BCKDHB: variants seen among roughly 807,000 people sequenced by gnomAD.
BCKDHB encodes branched chain keto acid dehydrogenase E1 subunit beta.
Under a neutral mutation model 48.5 loss-of-function variants are expected in BCKDHB, and 41 were observed. That is an observed-to-expected ratio of 0.85 (90% CI 0.66 to 1.10). The LOEUF is 1.10. Ranked by LOEUF, BCKDHB falls within the 50% of genes least tolerant of loss-of-function variation. The probability of loss-of-function intolerance (pLI) is 0.00; values close to 1 mark genes in which losing one functional copy is unlikely to be tolerated. For synonymous variants in BCKDHB, 201 were observed against 174.8 expected (o/e 1.15, Z -1.18); for missense variants, 496 against 494.2 (o/e 1.00, Z -0.03).
At chr6:80,366,895 A>T in the BCKDHB span, among the ~76,000 whole-genome samples, 1 of 152,360 alleles carries the variant, frequency 6.6e-6, no homozygotes, top group Non-Finnish European at 1.5e-5. Context: ...CAGAATTAGG[A>T]GGTGAGCCAT....
chr6:80,345,556 A>C lies in BCKDHB; in HGVS notation c.*1752A>C, dbSNP rs1770159029. The stretch of plus-strand genomic sequence containing the variant: ...GTCTAAGAATATTGTTATAGATGGA[A>C]GTTAGGACCATTAGCCCACAGATGC... On this transcript the variant is annotated 3_prime_UTR_variant, in exon 10 of 10. Transcript: ENST00000320393. 6.6e-6 allele frequency: 1 copy of C among 152,222 alleles called. No homozygotes were observed. The allele number at this position is 152,222 out of a possible 1,614,324, so 9.4% of individuals were successfully genotyped here.
rs570516927 is a variant in BCKDHB at position 80,242,136 on chromosome 6, A to G, written c.952-30999A>G. ...CACTTAAATCCTTCCTTATCACAAG[A>G]TCATGAAGATATTTTAAAATATTTT... is the stretch of plus-strand genomic sequence containing the variant. On this transcript the variant is annotated intron_variant, in intron 8 of 9. Transcript: ENST00000320393. Among the ~76,000 whole-genome samples, 3 of 152,262 alleles carry G rather than the reference A, an allele frequency of 2.0e-5. No individual in the cohort carries two copies. The South Asian group carries it at 6.2e-4, about 32-fold the overall frequency.
the BCKDHB span, among the ~76,000 whole-genome samples, chr6:80,465,513 C>T: frequency 6.6e-6 from 1 of 152,158 alleles, no homozygotes; most frequent in Non-Finnish European, 1.5e-5. Context: ...AAAACATTTT[C>T]CTTCTCTGAT....
the BCKDHB span, among the ~76,000 whole-genome samples, chr6:80,375,884 G>A: frequency 6.6e-6 from 1 of 152,172 alleles, no homozygotes; most frequent in Admixed American, 6.5e-5. Flanking sequence ...TAAAGATGGG[G>A]CTTCCTGAGA....
chr6:80,447,198 C>A, the BCKDHB span, among the ~76,000 whole-genome samples: 1 of 152,062 alleles, frequency 6.6e-6, no homozygotes, highest in Admixed American at 6.6e-5. Context: ...TTTTGTGCCA[C>A]CATTTTCTTA....
intron 9 of BCKDHB, among the ~76,000 whole-genome samples, chr6:80,342,153 T>G (rs1355948549): frequency 6.6e-6 from 1 of 152,152 alleles, no homozygotes; most frequent in Non-Finnish European, 1.5e-5. Context: ...AATACACTTG[T>G]CACTGGAAGA....
At chr6:80,432,491 A>G in the BCKDHB span, among the ~76,000 whole-genome samples, 2 of 152,028 alleles carry the variant, frequency 1.3e-5, no homozygotes, top group Admixed American at 6.6e-5. Context: ...ATACTTGTGT[A>G]TGCTTCACGA....
At chr6:80,185,244 G>A (rs568422566) in intron 6 of BCKDHB, among the ~76,000 whole-genome samples, 4 of 151,880 alleles carry the variant, frequency 2.6e-5, no homozygotes, top group African/African-American at 7.2e-5. Context: ...TTCTCTTAGT[G>A]TGTCTTTCAT....
At chr6:80,329,410 A>G (rs566753423) in intron 9 of BCKDHB, among the ~76,000 whole-genome samples, 5 of 152,290 alleles carry the variant, frequency 3.3e-5, no homozygotes, top group African/African-American at 1.2e-4. Context: ...TATCCTATAA[A>G]TGAACCCTGA....
the BCKDHB span, among the ~76,000 whole-genome samples, chr6:80,395,149 G>A: frequency 6.6e-6 from 1 of 152,152 alleles, no homozygotes. Flanking sequence ...GGCACCAGGT[G>A]TGGGGTGCTG....
chr6:80,370,223 A>G, the BCKDHB span, among the ~76,000 whole-genome samples: 4 of 152,164 alleles, frequency 2.6e-5, no homozygotes, highest in African/African-American at 7.2e-5. Flanking sequence ...AGAGGTTAGA[A>G]GAGGAAAAAG....
intron 1 of BCKDHB, among the ~76,000 whole-genome samples, chr6:80,122,772 C>A (rs998676684): frequency 5.3e-5 from 8 of 152,266 alleles, no homozygotes; most frequent in African/African-American, 1.7e-4. Flanking sequence ...CACATATTGT[C>A]TTGATAAACA....
In BCKDHB at chr6:80,274,040, G is replaced by A. The variant is rs1562194649; in HGVS notation, c.1038+819G>A. On this transcript the variant is annotated intron_variant, in intron 9 of 9. Transcript: ENST00000320393. ...TTACTGGTGTGAAGATGCTTTAATT[G>A]TTAAAATATATGAATAGGGAATTCC... is the stretch of plus-strand genomic sequence containing the variant. Among the ~76,000 whole-genome samples, 3 of 152,004 alleles carry A rather than the reference G, an allele frequency of 2.0e-5. No homozygotes were observed. In the East Asian group the frequency reaches 5.8e-4, roughly 29 times the overall value.
the BCKDHB span, among the ~76,000 whole-genome samples, chr6:80,407,965 A>C: frequency 6.6e-6 from 1 of 152,118 alleles, no homozygotes; most frequent in African/African-American, 2.4e-5. Context: ...AGTTTTTCCC[A>C]TTCAGTATGA....
At chr6:80,435,325 C>T in the BCKDHB span, among the ~76,000 whole-genome samples, 1 of 151,992 alleles carries the variant, frequency 6.6e-6, no homozygotes, top group East Asian at 1.9e-4. Context: ...TATTTAGGAG[C>T]CAATGTAAAG....
chr6:80,238,737 C>T (rs762315128), intron 8 of BCKDHB, among the ~76,000 whole-genome samples: 1 of 136,150 alleles, frequency 7.3e-6, no homozygotes, highest in East Asian at 2.4e-4. Flanking sequence ...TCTCCTAATG[C>T]TATCCCTCCC....
At chr6:80,346,631 G>A (rs1562244637), downstream of BCKDHB, among the ~76,000 whole-genome samples, 2 of 152,112 alleles carry the variant, frequency 1.3e-5, no homozygotes, top group African/African-American at 2.4e-5. Flanking sequence ...AGCTGTAGCT[G>A]TAGTGTTTGT....
intron 3 of BCKDHB, among the ~76,000 whole-genome samples, chr6:80,143,057 C>T (rs1337285021): frequency 6.6e-6 from 1 of 152,056 alleles, no homozygotes; most frequent in Non-Finnish European, 1.5e-5. Context: ...ATCAGTATAA[C>T]AATTTTATGG....
At position 80,108,559 on chromosome 6, in the gene BCKDHB, TAA is replaced by T. The variant is rs35042481; in HGVS notation, c.196+1687_196+1688del. On this transcript the variant is annotated intron_variant, in intron 1 of 9. Coordinates refer to ENST00000320393, the MANE Select transcript of BCKDHB (RefSeq NM_183050.4). ...GATAATTTGGATAATGGATAAAAAG[TAA>T]AAAAAAAAAAAAAAAATCTGCCGGG... Among the ~76,000 whole-genome samples, 54 of 137,406 alleles carry T rather than the reference TAA, an allele frequency of 3.9e-4. 1 individual carries two copies. The highest frequency in any genetic ancestry group is 1.2e-3 in the East Asian group (6 of 4,802). The allele number at this position is 137,406 out of a possible 152,430, so 90.1% of individuals were successfully genotyped here. A position where few individuals can be genotyped will look rare whatever the true frequency, so the allele number is the denominator to read the frequency against.
Sources: gnomAD v4.1 joint callset for allele counts (sites outside exome capture counted in the v4.1 genomes callset) on GRCh38, gnomAD v4.1.1 for gene constraint, MANE v1.5 for transcripts, NCBI Gene and HGNC (gene_info 2026-07-23, HGNC 2026-07-21) for gene names.